GHRL: variants seen among roughly 807,000 people sequenced by gnomAD.
The protein encoded by GHRL is ghrelin and obestatin prepropeptide.
GHRL carries 24 observed loss-of-function variants against 16.9 expected under a neutral mutation model. The observed-to-expected ratio is 1.42, with a 90% CI of 1.03 to 2.00. The LOEUF (loss-of-function observed/expected upper bound fraction) is 2.00. GHRL is among the 30% of genes most tolerant of loss of function. The pLI is 0.00. For missense variants in GHRL, 193 were observed against 142.1 expected, an observed-to-expected ratio of 1.36 and a Z score of -1.82; for synonymous variants, 63 against 58.2, an observed-to-expected ratio of 1.08 and a Z score of -0.37.
At position 10,289,826 on chromosome 3, in the gene GHRL, G is replaced by A. The variant is rs781061175; in HGVS notation, c.161C>T (p.Ala54Val). Reference protein sequence around the residue: ...PPAKLQPRALAGWLRPEDGGQ... With the variant: ...PPAKLQPRALVGWLRPEDGGQ... ...TCCATCTTCCGGGCGGAGCCAGCCT[G>A]CTAGAGCTCGGGGCTGCAGCTTGGC... Residue 54 changes from alanine to valine, a missense_variant, in exon 4 of 6, where the codon GCA becomes GTA. By Grantham distance (64) the Ala-to-Val change is moderately conservative. Coordinates refer to ENST00000335542, the MANE Select transcript of GHRL (RefSeq NM_016362.5). The A allele has an allele frequency of 1.2e-6, 2 of 1,613,872 alleles. No homozygotes were observed. Among genetic ancestry groups the A allele is most frequent in the Non-Finnish European group, 1.7e-6 (2 of 1,179,924 alleles).
In GHRL at chr3:10,291,224, C is replaced by G; in HGVS notation, c.-538G>C. ...CCAGGCTGGTGATTCTACACCTTCC[C>G]GAGGAGGAGTCCCACCTCCCGGTTG... On this transcript the variant is annotated 5_prime_UTR_variant, in exon 2 of 6. Coordinates refer to ENST00000335542, the MANE Select transcript of GHRL (RefSeq NM_016362.5). The G allele has an allele frequency of 2.0e-6, 2 of 985,548 alleles. No individual in the cohort carries two copies. The highest frequency in any genetic ancestry group is 2.4e-6 in the Non-Finnish European group (2 of 830,010). 61.1% of individuals were successfully genotyped at this position (985,548 alleles called of 1,614,324 possible). A position where few individuals can be genotyped will look rare whatever the true frequency, so the allele number is the denominator to read the frequency against.
In GHRL at chr3:10,290,214, G is replaced by A. The variant is rs770322294; in HGVS notation, c.-29-5C>T. Reference sequence around the variant, plus strand: ...CTGGGTTGCAGACAGGTGGGCCTGGGGGAGAGAGGGTCTCCAGGCAGCTGC... The same window carrying A: ...CTGGGTTGCAGACAGGTGGGCCTGGAGGAGAGAGGGTCTCCAGGCAGCTGC... On this transcript the variant is annotated splice_polypyrimidine_tract_variant and splice_region_variant and intron_variant, in intron 2 of 5. Transcript: ENST00000335542. The A allele has an allele frequency of 7.5e-6, 12 of 1,589,922 alleles. No individual in the cohort carries two copies. The highest frequency in any genetic ancestry group is 2.1e-4 in the Middle Eastern group (1 of 4,672).
Position 10,291,113 on chromosome 3 carries a change from C to T in GHRL, c.-427G>A, listed in dbSNP as rs998786630. 1 of 985,772 alleles carries T rather than the reference C, an allele frequency of 1.0e-6. No homozygotes were observed. Among genetic ancestry groups the T allele is most frequent in the Non-Finnish European group, 1.2e-6 (1 of 830,162 alleles). The allele number at this position is 985,772 out of a possible 1,614,324, so 61.1% of individuals were successfully genotyped here. On this transcript the variant is annotated 5_prime_UTR_variant, in exon 2 of 6. Transcript: ENST00000335542. ...TGAGGCTGTCATCACTAGGAGAGCT[C>T]TGAGACCTCCCCAGTCCAGCGCCCC... is the stretch of plus-strand genomic sequence containing the variant.
Position 10,285,680 on chromosome 3 carries a change from AT to A in GHRL, c.*194del. The stretch of plus-strand genomic sequence containing the variant: ...ACCAAGAATTATTTTTATTTGTATT[AT>A]TTTGATTTTTTTAAAGTAAAATATT... On this transcript the variant is annotated 3_prime_UTR_variant, in exon 6 of 6. Coordinates refer to ENST00000335542, the MANE Select transcript of GHRL (RefSeq NM_016362.5). 1 of 542,186 alleles carries A rather than the reference AT, an allele frequency of 1.8e-6. No individual in the cohort carries two copies. Among genetic ancestry groups the A allele is most frequent in the South Asian group, 2.5e-5 (1 of 39,878 alleles). The allele number at this position is 542,186 out of a possible 1,614,324, so 33.6% of individuals were successfully genotyped here. A position where few individuals can be genotyped will look rare whatever the true frequency, so the allele number is the denominator to read the frequency against.
intron 4 of GHRL, chr3:10,287,913 A>ATTTTTTT (rs1576049089): frequency 8.0e-5 from 7 of 87,960 alleles, no homozygotes; most frequent in East Asian, 3.0e-4. Context: ...GACATGATTG[A>ATTTTTTT]ATTTTTTTTT....
chr3:10,292,776 T>C, intron 1 of GHRL, 66 bp downstream of exon 1: 1 of 953,188 alleles, frequency 1.0e-6, no homozygotes, highest in Non-Finnish European at 1.6e-6. Context: ...AAAAAAAAAA[T>C]CCCCAAACAG....
At chr3:10,290,301 C>G in intron 2 of GHRL, 92 bp from the exon 3 acceptor site, 1 of 1,277,020 alleles carries the variant, frequency 7.8e-7, no homozygotes, top group Non-Finnish European at 1.1e-6. Context: ...GCGTGAAGGG[C>G]TTTACCATCT....
At chr3:10,289,696 C>T (rs1699645752) in intron 4 of GHRL, 66 bp downstream of exon 4, 4 of 968,340 alleles carry the variant, frequency 4.1e-6, no homozygotes, top group East Asian at 2.4e-5. Flanking sequence ...CCTCTCCCTG[C>T]CCTCCCTCTC....
chr3:10,287,422 C>A (rs1173712939), intron 4 of GHRL: 1 of 153,192 alleles, frequency 6.5e-6, no homozygotes, highest in African/African-American at 2.4e-5. Flanking sequence ...AGGGAGAGCG[C>A]CTCATCTCTT....
At chr3:10,290,484 G>A in intron 2 of GHRL, 1 of 360,440 alleles carries the variant, frequency 2.8e-6, no homozygotes, top group Admixed American at 3.9e-5. Context: ...GAGAGCTCAT[G>A]GCGAGTCTTT....
Position 10,290,807 on chromosome 3 carries a change from A to C in GHRL, c.-121T>G, listed in dbSNP as rs930165657. ...TTCTAAACCAGCAACCCCATCCCAG[A>C]GGTGGCCTAGCTTCCGTGGGGCTGA... is the stretch of plus-strand genomic sequence containing the variant. On this transcript the variant is annotated 5_prime_UTR_variant, in exon 2 of 6. Coordinates refer to ENST00000335542, the MANE Select transcript of GHRL (RefSeq NM_016362.5). 18 of 987,708 alleles carry C rather than the reference A, an allele frequency of 1.8e-5. No individual in the cohort carries two copies. The highest frequency in any genetic ancestry group is 1.9e-5 in the Non-Finnish European group (16 of 831,364). 61.2% of individuals were successfully genotyped at this position (987,708 alleles called of 1,614,324 possible). A position where few individuals can be genotyped will look rare whatever the true frequency, so the allele number is the denominator to read the frequency against.
intron 4 of GHRL, chr3:10,287,596 G>A (rs1347588901): frequency 6.5e-6 from 1 of 153,798 alleles, no homozygotes; most frequent in South Asian, 2.1e-4. Context: ...ACTTATCTGA[G>A]TCAGGGAAGG....
Position 10,285,697 on chromosome 3 carries a change from G to T in GHRL, c.*178C>A. The T allele has an allele frequency of 1.8e-6, 1 of 556,388 alleles. No individual in the cohort carries two copies. The highest frequency in any genetic ancestry group is 3.3e-6 in the Non-Finnish European group (1 of 305,256). 34.5% of individuals were successfully genotyped at this position (556,388 alleles called of 1,614,324 possible). On this transcript the variant is annotated 3_prime_UTR_variant, in exon 6 of 6. Transcript: ENST00000335542. ...TTTGTATTATTTTGATTTTTTTAAA[G>T]TAAAATATTAACTTTTCCTCTTTGA... is the stretch of plus-strand genomic sequence containing the variant.
In GHRL at chr3:10,289,870, C is replaced by T. The variant is rs1234538907; in HGVS notation, c.117G>A (p.Lys39=). 1.8e-5 allele frequency: 29 copies of T among 1,611,748 alleles called. No individual in the cohort carries two copies. The highest frequency in any genetic ancestry group is 2.7e-5 in the African/African-American group (2 of 74,834). ...SPEHQRVQQR[K]ESKKPPAKLQ... is the part of the protein sequence containing the mutation. The stretch of plus-strand genomic sequence containing the variant: ...GCTTGGCTGGTGGCTTCTTCGACTC[C>T]TTTCTCTGCTGGAAGGGGGAAACAG... Residue 39 remains lysine, a synonymous_variant, in exon 4 of 6, where the codon AAG becomes AAA. Transcript: ENST00000335542.
In GHRL at chr3:10,285,732, C is replaced by T; in HGVS notation, c.*143G>A. ...AACTTTTCCTCTTTGAAATAAATTC[C>T]CATTTGGAACATCAGCATACAGTTT... is the stretch of plus-strand genomic sequence containing the variant. On this transcript the variant is annotated 3_prime_UTR_variant, in exon 6 of 6. Coordinates refer to ENST00000335542, the MANE Select transcript of GHRL (RefSeq NM_016362.5). 3.3e-6 allele frequency: 2 copies of T among 597,274 alleles called. No individual in the cohort carries two copies. Among genetic ancestry groups the T allele is most frequent in the South Asian group, 2.4e-5 (1 of 40,894 alleles). The allele number at this position is 597,274 out of a possible 1,614,324, so 37.0% of individuals were successfully genotyped here. A position where few individuals can be genotyped will look rare whatever the true frequency, so the allele number is the denominator to read the frequency against.
rs1426588387 is a variant in GHRL, at chr3:10,291,180, C to T, written c.-494G>A. 2.0e-6 allele frequency: 2 copies of T among 985,584 alleles called. No homozygotes were observed. The highest frequency in any genetic ancestry group is 2.4e-6 in the Non-Finnish European group (2 of 830,110). The allele number at this position is 985,584 out of a possible 1,614,324, so 61.1% of individuals were successfully genotyped here. A position where few individuals can be genotyped will look rare whatever the true frequency, so the allele number is the denominator to read the frequency against. On this transcript the variant is annotated 5_prime_UTR_variant, in exon 2 of 6. Transcript: ENST00000335542. ...TGTTGCTGCTCTGGCCTCTGTGAGCCCCGGGAGTCCGCAGGGAGCCAGGCT... is the reference window on the plus strand; with the variant it reads ...TGTTGCTGCTCTGGCCTCTGTGAGCTCCGGGAGTCCGCAGGGAGCCAGGCT...
At chr3:10,287,549 C>T (rs1028272655) in intron 4 of GHRL, 12 of 153,766 alleles carry the variant, frequency 7.8e-5, no homozygotes, top group African/African-American at 2.7e-4. Flanking sequence ...TTGTCTCTGC[C>T]AGTGGCTACC....
At chr3:10,290,274 TA>T (rs1246757218) in intron 2 of GHRL, 65 bp from the exon 3 acceptor site, 8 of 1,490,234 alleles carry the variant, frequency 5.4e-6, no homozygotes, top group Non-Finnish European at 7.3e-6. Flanking sequence ...CTTGCTCAGG[TA>T]GGAGCCCAGC....
chr3:10,286,634 T>A, intron 5 of GHRL, 70 bp downstream of exon 5: 1 of 790,440 alleles, frequency 1.3e-6, no homozygotes. Flanking sequence ...GGAAAACTCA[T>A]CACCCACAGA....
Sources: gnomAD v4.1 joint callset for allele counts on GRCh38, gnomAD v4.1.1 for gene constraint, MANE v1.5 for transcripts, NCBI Gene and HGNC (gene_info 2026-07-23, HGNC 2026-07-21) for gene names.